NPAS3: variants seen among roughly 807,000 people sequenced by gnomAD.
NPAS3 encodes neuronal PAS domain-containing protein 3.
A neutral mutation model predicts 73.1 loss-of-function variants in NPAS3; 14 were observed. The observed-to-expected ratio is 0.19, with a 90% CI of 0.13 to 0.30. The LOEUF is 0.30. Among genes scored for constraint, NPAS3 ranks in the 10% least tolerant of loss-of-function variants. The pLI, the probability that NPAS3 is intolerant of heterozygous loss-of-function variation, is 1.00. For missense variants in NPAS3, 1,096 were observed against 1,250.0 expected (o/e 0.88, Z 1.86); for synonymous variants, 620 against 541.5 (o/e 1.14, Z -2.01).
At chr14:33,077,916 T>G (rs1025944274) in intron 2 of NPAS3, among the ~76,000 whole-genome samples, 2 of 151,848 alleles carry the variant, frequency 1.3e-5, no homozygotes, top group African/African-American at 4.8e-5. Flanking sequence ...GGGAAGCTGA[T>G]TGCCTGAGCT....
intron 6 of NPAS3, among the ~76,000 whole-genome samples, chr14:33,697,061 G>A (rs755905926): frequency 7.2e-5 from 11 of 152,258 alleles, no homozygotes; most frequent in African/African-American, 1.4e-4. Context: ...CTTCTACTTC[G>A]TGTTTATAAA....
chr14:33,020,950 T>G (rs537113959), intron 1 of NPAS3, among the ~76,000 whole-genome samples: 2 of 152,074 alleles, frequency 1.3e-5, no homozygotes, highest in African/African-American at 4.8e-5. Flanking sequence ...TTAGTAGAGA[T>G]GGGGCTTCAT....
At chr14:33,554,228 A>C (rs1394311756) in intron 4 of NPAS3, among the ~76,000 whole-genome samples, 1 of 152,200 alleles carries the variant, frequency 6.6e-6, no homozygotes, top group East Asian at 1.9e-4. Context: ...AGCAGCTATT[A>C]AATGCTCACT....
chr14:33,195,919 T>C (rs748478068), intron 2 of NPAS3, among the ~76,000 whole-genome samples: 5 of 152,206 alleles, frequency 3.3e-5, no homozygotes, highest in Non-Finnish European at 5.9e-5. Context: ...ATAACTTTAA[T>C]GTACGCCAGA....
intron 2 of NPAS3, among the ~76,000 whole-genome samples, chr14:33,120,251 G>A (rs558364900): frequency 6.6e-6 from 1 of 152,038 alleles, no homozygotes; most frequent in Non-Finnish European, 1.5e-5. Context: ...GAGCCATGGC[G>A]CCTGGCCCAT....
At chr14:33,776,828 A>G (rs978696237) in intron 8 of NPAS3, among the ~76,000 whole-genome samples, 4 of 151,906 alleles carry the variant, frequency 2.6e-5, no homozygotes, top group African/African-American at 4.8e-5. Flanking sequence ...AGGTCATCCA[A>G]CTGGTCTGGT....
intron 1 of NPAS3, among the ~76,000 whole-genome samples, chr14:32,957,192 T>C (rs2036705174): frequency 1.3e-5 from 2 of 152,188 alleles, no homozygotes. Context: ...AAAAGCTATG[T>C]AAATATATAT....
rs34920021 is a variant in NPAS3, at chr14:33,079,609, CT to C, written c.140+23639del. ...CTGGGATTATAGGCATGAGCCAGGC[CT>C]TTTTTTTTTTTTTTTTTTTTTTTGA... On this transcript the variant is annotated intron_variant, in intron 2 of 11. Coordinates refer to ENST00000356141, the Ensembl canonical transcript of NPAS3. Among the ~76,000 whole-genome samples, 408 of 56,048 alleles carry C rather than the reference CT, an allele frequency of 7.3e-3. 2 individuals carry two copies. The highest frequency in any genetic ancestry group is 0.028 in the African/African-American group (369 of 13,232). 36.8% of individuals were successfully genotyped at this position (56,048 alleles called of 152,430 possible).
At chr14:33,700,751 A>G (rs996179900) in intron 6 of NPAS3, among the ~76,000 whole-genome samples, 3 of 152,226 alleles carry the variant, frequency 2.0e-5, no homozygotes, top group Admixed American at 2.0e-4. Flanking sequence ...CTTATAAAGC[A>G]AGTGTGCTTC....
chr14:33,386,523 TTA>T (rs961446605), intron 4 of NPAS3, among the ~76,000 whole-genome samples: 3 of 148,108 alleles, frequency 2.0e-5, no homozygotes, highest in African/African-American at 7.5e-5. Flanking sequence ...TTTTTTTTTT[TTA>T]ATGTAGCCTT....
intron 2 of NPAS3, among the ~76,000 whole-genome samples, chr14:33,086,051 A>G (rs1201441110): frequency 6.6e-6 from 1 of 152,182 alleles, no homozygotes; most frequent in Non-Finnish European, 1.5e-5. Flanking sequence ...CAAGGTTATT[A>G]TACTTTCTCT....
At chr14:33,527,513 G>A (rs1412708679) in intron 4 of NPAS3, among the ~76,000 whole-genome samples, 1 of 152,208 alleles carries the variant, frequency 6.6e-6, no homozygotes, top group Non-Finnish European at 1.5e-5. Context: ...AGAAAGTGCC[G>A]TTTCTTTCTG....
chr14:33,189,049 TCA>T (rs1725705431), intron 2 of NPAS3, among the ~76,000 whole-genome samples: 1 of 152,194 alleles, frequency 6.6e-6, no homozygotes, highest in African/African-American at 2.4e-5. Context: ...TCTGAATTAT[TCA>T]CAGTGTTGCA....
At position 33,330,097 on chromosome 14, in the gene NPAS3, G is replaced by C. The variant is rs573591215; in HGVS notation, c.386-37089G>C. Among the ~76,000 whole-genome samples, 53 of 152,176 alleles carry C rather than the reference G, an allele frequency of 3.5e-4. No individual in the cohort carries two copies. The South Asian group carries it at 0.011, about 31-fold the overall frequency. On this transcript the variant is annotated intron_variant, in intron 3 of 11. Transcript: ENST00000356141. ...AGCTCTACTAAAAATGCAGAAATTA[G>C]CCAGGTGTGGTGGTGCGTGTCTGTA...
At chr14:33,071,970 A>G (rs1220715534) in intron 2 of NPAS3, among the ~76,000 whole-genome samples, 1 of 152,060 alleles carries the variant, frequency 6.6e-6, no homozygotes, top group Non-Finnish European at 1.5e-5. Context: ...AGCTCACTGC[A>G]ATCTCCGCCT....
chr14:33,066,526 A>G (rs923006672), intron 2 of NPAS3, among the ~76,000 whole-genome samples: 4 of 152,216 alleles, frequency 2.6e-5, no homozygotes, highest in Admixed American at 1.3e-4. Context: ...ATGGGCCAGC[A>G]GATTTTAAGT....
chr14:33,580,723 A>G (rs1351639348), intron 5 of NPAS3, among the ~76,000 whole-genome samples: 1 of 152,142 alleles, frequency 6.6e-6, no homozygotes, highest in Admixed American at 6.5e-5. Context: ...TATCTGTGGG[A>G]AGCTCCAACT....
At chr14:33,370,107 C>T (rs927864527) in intron 4 of NPAS3, among the ~76,000 whole-genome samples, 1 of 152,160 alleles carries the variant, frequency 6.6e-6, no homozygotes, top group African/African-American at 2.4e-5. Context: ...TCCCCTTCAT[C>T]CCCCACAAGT....
chr14:32,937,682 G>C (rs1432715305), upstream of NPAS3, among the ~76,000 whole-genome samples: 2 of 152,198 alleles, frequency 1.3e-5, no homozygotes, highest in African/African-American at 4.8e-5. Flanking sequence ...CGTAGAGACC[G>C]AATGGAGGAC....
Sources: gnomAD v4.1 joint callset for allele counts (sites outside exome capture counted in the v4.1 genomes callset) on GRCh38, gnomAD v4.1.1 for gene constraint, MANE v1.5 for transcripts, NCBI Gene and HGNC (gene_info 2026-07-23, HGNC 2026-07-21) for gene names.